Variants in NRP2 observed in about 807,000 individuals in gnomAD.
NRP2 encodes neuropilin-2.
A neutral mutation model predicts 110.4 loss-of-function variants in NRP2; 52 were observed. The ratio of observed to expected loss-of-function variants is 0.47; its 90% CI spans 0.38 to 0.59. The LOEUF (loss-of-function observed/expected upper bound fraction) is 0.59. Ranked by LOEUF, NRP2 falls within the 20% of genes least tolerant of loss-of-function variation. NRP2 has a pLI of 0.00. For synonymous variants in NRP2, 508 were observed against 468.9 expected (o/e 1.08, Z -1.08); for missense variants, 1,049 against 1,203.0 (o/e 0.87, Z 1.89).
chr2:205,744,544 A>G (rs2057503052), intron 9 of NRP2, among the ~76,000 whole-genome samples: 1 of 152,194 alleles, frequency 6.6e-6, no homozygotes, highest in African/African-American at 2.4e-5. Flanking sequence ...CACAGACACA[A>G]GGAGCCCCAG....
intron 15 of NRP2, among the ~76,000 whole-genome samples, chr2:205,786,032 A>T (rs907324878): frequency 6.6e-6 from 1 of 152,130 alleles, no homozygotes; most frequent in African/African-American, 2.4e-5. Flanking sequence ...GTGCTTCTAA[A>T]CTCAAGCCAA....
At chr2:205,739,320 G>A (rs2057399622) in intron 7 of NRP2, among the ~76,000 whole-genome samples, 1 of 152,178 alleles carries the variant, frequency 6.6e-6, no homozygotes, top group Non-Finnish European at 1.5e-5. Flanking sequence ...CCAATGAAGT[G>A]GAGATAAGAA....
intron 15 of NRP2, among the ~76,000 whole-genome samples, chr2:205,788,308 AC>A (rs2058258469): frequency 6.6e-6 from 1 of 152,104 alleles, no homozygotes. Flanking sequence ...TACTGTGCCC[AC>A]TTGATTACTC....
intron 6 of NRP2, 33 bp from the exon 7 acceptor site, chr2:205,727,858 G>C (rs1239063485): frequency 1.9e-6 from 3 of 1,598,706 alleles, no homozygotes; most frequent in Admixed American, 1.7e-5. Flanking sequence ...TGTTGGGAAT[G>C]GTGGTCTCTT....
chr2:205,771,132 T>C (rs560266021), intron 15 of NRP2, among the ~76,000 whole-genome samples: 2 of 152,226 alleles, frequency 1.3e-5, no homozygotes, highest in East Asian at 3.9e-4. Flanking sequence ...CAGTCAGAGA[T>C]CTGAATTCGG....
At chr2:205,770,643 G>A (rs1270965702) in intron 15 of NRP2, among the ~76,000 whole-genome samples, 5 of 152,174 alleles carry the variant, frequency 3.3e-5, no homozygotes, top group African/African-American at 1.2e-4. Flanking sequence ...AAGCACTTCT[G>A]AGATGCAGAG....
chr2:205,697,608 C>G lies in NRP2; in HGVS notation c.138C>G (p.Pro46=). The change falls in exon 2 of 17, where the codon CCC becomes CCG. Residue 46 remains proline, a synonymous_variant. Transcript: ENST00000357785. ...DAGYITSPGY[P]QDYPSHQNCE... ...GCTATATCACCTCTCCCGGTTACCC[C>G]CAGGACTACCCCTCCCACCAGAACT... 1 of 1,613,982 alleles carries G rather than the reference C, an allele frequency of 6.2e-7. No homozygotes were observed. Among genetic ancestry groups the G allele is most frequent in the African/African-American group, 1.3e-5 (1 of 74,952 alleles).
At position 205,722,528 on chromosome 2, in the gene NRP2, T is replaced by C; in HGVS notation, c.484T>C (p.Ser162Pro). The change falls in exon 4 of 17, where the codon TCT (serine) becomes CCT (proline). Residue 162 changes from serine to proline, a missense_variant. Physicochemically the swap from Ser to Pro is moderately conservative, Grantham distance 74 (BLOSUM62 -1). Transcript: ENST00000357785. The part of the protein sequence containing the change: ...NFTSPNGTIE[S>P]PGFPEKYPHN... ...CACAAGCCCCAACGGGACCATCGAA[T>C]CTCCTGGGTTTCCTGAGAAGTATCC... 3.7e-6 allele frequency: 6 copies of C among 1,614,172 alleles called. No homozygotes were observed. The highest frequency in any genetic ancestry group is 5.1e-6 in the Non-Finnish European group (6 of 1,180,032).
Position 205,797,843 on chromosome 2 carries a change from T to TGC in NRP2, c.*2785_*2786insGC. 6.5e-6 allele frequency: 1 copy of TGC among 152,730 alleles called. No homozygotes were observed. The highest frequency in any genetic ancestry group is 6.5e-5 in the Admixed American group (1 of 15,290). The allele number at this position is 152,730 out of a possible 1,614,324, so 9.5% of individuals were successfully genotyped here. A position where few individuals can be genotyped will look rare whatever the true frequency, so the allele number is the denominator to read the frequency against. ...TGGTCAACAGGGCCACAGGGTTGCT[T>TGC]TCTGTCTTTGGTGGGGCAGGGGAGT... On this transcript the variant is annotated 3_prime_UTR_variant, in exon 17 of 17. Coordinates refer to ENST00000357785, the MANE Select transcript of NRP2 (RefSeq NM_003872.3).
At chr2:205,700,977 T>C (rs1009242887) in intron 2 of NRP2, 1 of 302,192 alleles carries the variant, frequency 3.3e-6, no homozygotes, top group Non-Finnish European at 6.6e-6. Flanking sequence ...GAAGCCACTT[T>C]ATTCCCTGTG....
At chr2:205,724,035 A>T (rs1406259414) in intron 5 of NRP2, 95 bp downstream of exon 5, 1 of 1,393,282 alleles carries the variant, frequency 7.2e-7, no homozygotes, top group Non-Finnish European at 1.0e-6. Context: ...GAGGGAGGAG[A>T]TGGGAACTCT....
At chr2:205,765,675 T>A (rs768014026) in intron 14 of NRP2, 105 bp downstream of exon 14, 2 of 967,518 alleles carry the variant, frequency 2.1e-6, no homozygotes, top group Non-Finnish European at 3.3e-6. Context: ...CGTTACCCAG[T>A]GGGTGGGGCA....
intron 2 of NRP2, among the ~76,000 whole-genome samples, chr2:205,710,898 A>G (rs1365184426): frequency 6.6e-6 from 1 of 152,270 alleles, no homozygotes; most frequent in Non-Finnish European, 1.5e-5. Flanking sequence ...AAGTGTGAGA[A>G]AAATCTCAAA....
intron 15 of NRP2, chr2:205,776,863 GC>G: frequency 8.1e-7 from 1 of 1,239,684 alleles, no homozygotes; most frequent in Non-Finnish European, 1.0e-6. Flanking sequence ...TTTTCCCCTT[GC>G]CTTATCCCAT....
At chr2:205,751,350 T>C (rs114922501) in intron 11 of NRP2, among the ~76,000 whole-genome samples, 3,705 of 152,316 alleles carry the variant, frequency 0.024, 160 homozygotes, top group African/African-American at 0.084. Context: ...CAAAAGTTTT[T>C]TTTGTAGAAT....
intron 6 of NRP2, 119 bp from the exon 7 acceptor site, chr2:205,727,771 CT>C (rs145902787): frequency 1.5e-5 from 14 of 937,716 alleles, no homozygotes; most frequent in Non-Finnish European, 1.9e-5. Context: ...ACAAGTATGT[CT>C]CAGTGAATCA....
intron 15 of NRP2, chr2:205,777,332 G>A (rs2058116145): frequency 5.7e-6 from 1 of 176,172 alleles, no homozygotes; most frequent in Non-Finnish European, 1.1e-5. Flanking sequence ...TCTTTGAAAT[G>A]TCAAGATAAC....
chr2:205,685,312 C>A (rs2056122539), intron 1 of NRP2, among the ~76,000 whole-genome samples: 1 of 152,166 alleles, frequency 6.6e-6, no homozygotes, highest in Non-Finnish European at 1.5e-5. Flanking sequence ...CCTCCAGCTC[C>A]CCAAAATGCG....
In NRP2 at chr2:205,796,220, C is replaced by G. The variant is rs781386744; in HGVS notation, c.*1162C>G. On this transcript the variant is annotated 3_prime_UTR_variant, in exon 17 of 17. Coordinates refer to ENST00000357785, the MANE Select transcript of NRP2 (RefSeq NM_003872.3). ...CAGAGACCCTTTGAAATGCATTTGTCTCTCAAATAGACTAGTAAACACCGA... is the reference window on the plus strand; with the variant it reads ...CAGAGACCCTTTGAAATGCATTTGTGTCTCAAATAGACTAGTAAACACCGA... The G allele has an allele frequency of 6.6e-6, 1 of 152,148 alleles. No homozygotes were observed. Among genetic ancestry groups the G allele is most frequent in the Non-Finnish European group, 1.5e-5 (1 of 68,026 alleles). The allele number at this position is 152,148 out of a possible 1,614,324, so 9.4% of individuals were successfully genotyped here.
Sources: allele counts gnomAD v4.1 joint callset (sites outside exome capture counted in the v4.1 genomes callset), GRCh38; gene constraint gnomAD v4.1.1; transcripts MANE v1.5; gene names NCBI Gene and HGNC (gene_info 2026-07-23, HGNC 2026-07-21).